Variants in CDH13 observed in about 807,000 individuals in gnomAD.
CDH13 encodes the protein cadherin 13.
A neutral mutation model predicts 63.8 loss-of-function variants in CDH13; 24 were observed. The observed-to-expected ratio is 0.38, with a 90% CI of 0.27 to 0.53. The LOEUF is 0.53. CDH13 is among the 20% of genes least tolerant of loss of function. The pLI is 0.85. For synonymous variants in CDH13, 503 were observed against 355.3 expected, an observed-to-expected ratio of 1.42 and a Z score of -4.67; for missense variants, 1,049 against 903.1, an observed-to-expected ratio of 1.16 and a Z score of -2.07.
chr16:83,581,610 G>A (rs1053991440), intron 7 of CDH13, among the ~76,000 whole-genome samples: 4 of 152,244 alleles, frequency 2.6e-5, no homozygotes, highest in Non-Finnish European at 4.4e-5. Flanking sequence ...TTGAGTCCAC[G>A]AGTTTGAGAC....
intron 5 of CDH13, among the ~76,000 whole-genome samples, chr16:83,264,623 G>T (rs1030465451): frequency 2.0e-5 from 3 of 151,262 alleles, no homozygotes; most frequent in Admixed American, 1.3e-4. Context: ...AACTTTTAAG[G>T]TTCTTTTTGA....
At chr16:83,060,680 T>C (rs78205595) in intron 3 of CDH13, among the ~76,000 whole-genome samples, 3,696 of 152,324 alleles carry the variant, frequency 0.024, 148 homozygotes, top group African/African-American at 0.082. Flanking sequence ...AGTGCAATGC[T>C]ATCCTCACCT....
intron 6 of CDH13, among the ~76,000 whole-genome samples, chr16:83,419,709 C>G (rs1049293606): frequency 6.6e-6 from 1 of 152,148 alleles, no homozygotes; most frequent in African/African-American, 2.4e-5. Flanking sequence ...ACAAGTTGCC[C>G]CAAGGCATTC....
intron 8 of CDH13, among the ~76,000 whole-genome samples, chr16:83,656,401 AC>A (rs1298856010): frequency 6.6e-6 from 1 of 152,126 alleles, no homozygotes; most frequent in Non-Finnish European, 1.5e-5. Context: ...CCTGTTAGAC[AC>A]CCAGAAGCAG....
At position 83,435,772 on chromosome 16, in the gene CDH13, C is replaced by G. The variant is rs868465569; in HGVS notation, c.782-50705C>G. 2.0e-4 allele frequency among the ~76,000 whole-genome samples: 30 copies of G among 152,280 alleles called. No homozygotes were observed. In the Middle Eastern group the frequency reaches 0.01, roughly 52 times the overall value. Reference sequence around the variant, plus strand: ...GCCAAGCCACTCTGTTACTCCCTCTCTCCGTGTTCACTAGAGTTGTCCTTC... The same window carrying G: ...GCCAAGCCACTCTGTTACTCCCTCTGTCCGTGTTCACTAGAGTTGTCCTTC... On this transcript the variant is annotated intron_variant, in intron 6 of 13. Coordinates refer to ENST00000567109, the MANE Select transcript of CDH13 (RefSeq NM_001257.5).
At chr16:83,415,592 A>C (rs2092188535) in intron 6 of CDH13, among the ~76,000 whole-genome samples, 1 of 152,220 alleles carries the variant, frequency 6.6e-6, no homozygotes, top group African/African-American at 2.4e-5. Flanking sequence ...GGGAGTCAGG[A>C]ATTGTTCAAC....
At chr16:83,469,307 G>C (rs1438878545) in intron 6 of CDH13, among the ~76,000 whole-genome samples, 2 of 152,180 alleles carry the variant, frequency 1.3e-5, no homozygotes, top group African/African-American at 4.8e-5. Context: ...CAGTGTTGCT[G>C]TTTCTCAGGC....
At chr16:83,497,958 G>A (rs924610064) in intron 7 of CDH13, among the ~76,000 whole-genome samples, 1 of 152,228 alleles carries the variant, frequency 6.6e-6, no homozygotes, top group African/African-American at 2.4e-5. Context: ...CATTTTGACA[G>A]CATAGTTCAT....
intron 2 of CDH13, among the ~76,000 whole-genome samples, chr16:82,911,386 A>G (rs1003145613): frequency 6.6e-6 from 1 of 152,180 alleles, no homozygotes; most frequent in East Asian, 1.9e-4. Flanking sequence ...CAAAACTGCA[A>G]AGGCTCCCTG....
chr16:82,828,903 T>C (rs779093556), intron 1 of CDH13, among the ~76,000 whole-genome samples: 1 of 152,160 alleles, frequency 6.6e-6, no homozygotes, highest in Non-Finnish European at 1.5e-5. Context: ...AATCCTGGAA[T>C]CAGTCCCTCA....
intron 1 of CDH13, among the ~76,000 whole-genome samples, chr16:82,684,288 G>T (rs1463682192): frequency 2.0e-5 from 3 of 152,094 alleles, no homozygotes; most frequent in Non-Finnish European, 2.9e-5. Flanking sequence ...CTGACATAAG[G>T]GTTTCCTTGA....
intron 10 of CDH13, among the ~76,000 whole-genome samples, chr16:83,696,492 G>A (rs1280601272): frequency 6.6e-6 from 1 of 152,114 alleles, no homozygotes; most frequent in Non-Finnish European, 1.5e-5. Context: ...GGATCCACCT[G>A]GAACTCCCAC....
At chr16:82,772,994 T>G (rs1279228182) in intron 1 of CDH13, among the ~76,000 whole-genome samples, 1 of 152,090 alleles carries the variant, frequency 6.6e-6, no homozygotes, top group Non-Finnish European at 1.5e-5. Flanking sequence ...AAAAACCATG[T>G]AGAGAGCGCA....
chr16:82,991,622 G>A (rs997866469), intron 2 of CDH13, among the ~76,000 whole-genome samples: 2 of 152,034 alleles, frequency 1.3e-5, no homozygotes, highest in Admixed American at 6.6e-5. Flanking sequence ...CATGTGGGTG[G>A]GTCAAATAAG....
chr16:83,683,004 G>C (rs1915531697), intron 10 of CDH13, among the ~76,000 whole-genome samples: 1 of 152,200 alleles, frequency 6.6e-6, no homozygotes, highest in Non-Finnish European at 1.5e-5. Flanking sequence ...TGCCTCGCAT[G>C]AGGAAATGCA....
At chr16:83,089,689 CT>C (rs139987641) in intron 3 of CDH13, among the ~76,000 whole-genome samples, 2,650 of 152,246 alleles carry the variant, frequency 0.017, 78 homozygotes, top group African/African-American at 0.06. Context: ...GAATTCGAGT[CT>C]GAATGTTTAT....
intron 11 of CDH13, among the ~76,000 whole-genome samples, chr16:83,773,653 G>C (rs1440581026): frequency 2.0e-5 from 3 of 152,274 alleles, no homozygotes; most frequent in Admixed American, 6.5e-5. Context: ...CCATATCAGG[G>C]CTCTAGAGTC....
intron 1 of CDH13, among the ~76,000 whole-genome samples, chr16:82,822,842 T>C (rs967975843): frequency 6.6e-6 from 1 of 152,220 alleles, no homozygotes; most frequent in African/African-American, 2.4e-5. Context: ...GTCAACACCA[T>C]TTTATTATCG....
At chr16:83,033,317 G>C (rs953075623) in intron 3 of CDH13, among the ~76,000 whole-genome samples, 1 of 151,728 alleles carries the variant, frequency 6.6e-6, no homozygotes. Context: ...TATATATACG[G>C]TGTATATGTA....
Sources: allele counts gnomAD v4.1 joint callset (sites outside exome capture counted in the v4.1 genomes callset), GRCh38; gene constraint gnomAD v4.1.1; transcripts MANE v1.5; gene names NCBI Gene and HGNC (gene_info 2026-07-23, HGNC 2026-07-21).